CELF2: variants seen among roughly 807,000 people sequenced by gnomAD.
CELF2 encodes the protein CUGBP Elav-like family member 2.
CELF2 carries 8 observed loss-of-function variants against 62.6 expected under a neutral mutation model. The ratio of observed to expected loss-of-function variants is 0.13; its 90% CI spans 0.07 to 0.23. CELF2 has a LOEUF of 0.23. CELF2 is among the 10% of genes least tolerant of loss of function. The pLI, the probability that CELF2 is intolerant of heterozygous loss-of-function variation, is 1.00. For missense variants in CELF2, 333 were observed against 671.0 expected (o/e 0.50, Z 5.56); for synonymous variants, 258 against 250.0 (o/e 1.03, Z -0.30).
At chr10:10,840,042 T>G (rs770055224) in intron 1 of CELF2, among the ~76,000 whole-genome samples, 1 of 152,254 alleles carries the variant, frequency 6.6e-6, no homozygotes, top group Non-Finnish European at 1.5e-5. Context: ...GATAGTTCAT[T>G]CCTTTCTATC....
chr10:11,041,406 A>C (rs999508156), intron 1 of CELF2, among the ~76,000 whole-genome samples: 1 of 152,252 alleles, frequency 6.6e-6, no homozygotes, highest in Middle Eastern at 3.4e-3. Flanking sequence ...ATCGAAACCC[A>C]CTGGCTATGA....
chr10:10,811,574 A>G (rs1388651981), intron 1 of CELF2, among the ~76,000 whole-genome samples: 1 of 152,140 alleles, frequency 6.6e-6, no homozygotes, highest in East Asian at 1.9e-4. Context: ...CAGGGGGTAC[A>G]TGCACATCTC....
intron 9 of CELF2, among the ~76,000 whole-genome samples, chr10:11,308,307 G>C (rs2094374053): frequency 6.6e-6 from 1 of 152,146 alleles, no homozygotes; most frequent in Admixed American, 6.5e-5. Context: ...TCTTTCATCA[G>C]ATTTGGGAAA....
intron 1 of CELF2, among the ~76,000 whole-genome samples, chr10:10,869,434 C>T (rs767412466): frequency 5.9e-5 from 9 of 152,004 alleles, no homozygotes; most frequent in Admixed American, 1.3e-4. Flanking sequence ...TGGTGGTGTA[C>T]GCCCGTAATC....
chr10:10,513,239 C>A, the CELF2 span, among the ~76,000 whole-genome samples: 1 of 152,066 alleles, frequency 6.6e-6, no homozygotes, highest in South Asian at 2.1e-4. Context: ...CTGTGACATA[C>A]TGAAGAAGTC....
rs562433552 is a variant in CELF2, at chr10:11,336,489, G to A, written c.*7436G>A. 7.2e-5 allele frequency: 11 copies of A among 152,662 alleles called. No individual in the cohort carries two copies. The highest frequency in any genetic ancestry group is 1.9e-4 in the African/African-American group (8 of 41,532). The allele number at this position is 152,662 out of a possible 1,614,324, so 9.5% of individuals were successfully genotyped here. A position where few individuals can be genotyped will look rare whatever the true frequency, so the allele number is the denominator to read the frequency against. ...ATATATATTGAACTATATAGTACTC[G>A]ATTTCTTAAATAAAGCTTAAGAAAG... is the stretch of plus-strand genomic sequence containing the variant. On this transcript the variant is annotated 3_prime_UTR_variant, in exon 13 of 13. Coordinates refer to ENST00000633077, the MANE Select transcript of CELF2 (RefSeq NM_001326342.2). This position sits in a 1 kb window ranked among gnomAD's most constrained non-coding sequence, Gnocchi z 5.4.
the CELF2 span, among the ~76,000 whole-genome samples, chr10:10,634,195 A>G: frequency 6.6e-6 from 1 of 152,260 alleles, no homozygotes; most frequent in South Asian, 2.1e-4. Flanking sequence ...TGAACATAGT[A>G]CATTTTTTAT....
At chr10:10,913,987 G>T (rs903299606) in intron 1 of CELF2, among the ~76,000 whole-genome samples, 1 of 151,028 alleles carries the variant, frequency 6.6e-6, no homozygotes. Flanking sequence ...AAAGGGAAGG[G>T]GAAGAGAGGG....
chr10:10,585,714 T>C, the CELF2 span, among the ~76,000 whole-genome samples: 1 of 152,202 alleles, frequency 6.6e-6, no homozygotes, highest in Non-Finnish European at 1.5e-5. Flanking sequence ...TCTTCACTGT[T>C]TGATTAGGGG....
chr10:11,262,375 AAAC>A (rs1172082908), intron 5 of CELF2, among the ~76,000 whole-genome samples: 14 of 152,314 alleles, frequency 9.2e-5, no homozygotes, highest in South Asian at 2.1e-4. Context: ...TGCTGTCTCA[AAAC>A]AACAACAACA....
At chr10:10,578,980 T>C in the CELF2 span, among the ~76,000 whole-genome samples, 2 of 152,200 alleles carry the variant, frequency 1.3e-5, no homozygotes, top group Admixed American at 6.5e-5. Flanking sequence ...ATCTAAGACA[T>C]AGGAACTCTA....
the CELF2 span, among the ~76,000 whole-genome samples, chr10:10,664,891 A>G: frequency 0.014 from 2,144 of 152,340 alleles, 100 homozygotes; most frequent in Admixed American, 0.077. Flanking sequence ...AGGTATTCAC[A>G]TTTACTGTTC....
At chr10:11,032,888 C>T (rs1366946784) in intron 1 of CELF2, among the ~76,000 whole-genome samples, 1 of 152,020 alleles carries the variant, frequency 6.6e-6, no homozygotes, top group Non-Finnish European at 1.5e-5. Flanking sequence ...AGATGTTCCC[C>T]AATATGTATG....
chr10:10,633,160 C>T, the CELF2 span, among the ~76,000 whole-genome samples: 1 of 152,166 alleles, frequency 6.6e-6, no homozygotes, highest in African/African-American at 2.4e-5. Flanking sequence ...TTAGACCTAA[C>T]TCATTTCACC....
the CELF2 span, among the ~76,000 whole-genome samples, chr10:10,502,182 C>T: frequency 3.3e-5 from 5 of 151,518 alleles, no homozygotes; most frequent in Non-Finnish European, 5.9e-5. Flanking sequence ...TAAGGATTTT[C>T]GTGTCTGTTT....
At chr10:10,865,831 T>C (rs1364107307) in intron 1 of CELF2, among the ~76,000 whole-genome samples, 1 of 152,158 alleles carries the variant, frequency 6.6e-6, no homozygotes, top group Non-Finnish European at 1.5e-5. Context: ...AAAGATTTTT[T>C]TTTTTTGAAG....
the CELF2 span, among the ~76,000 whole-genome samples, chr10:10,613,399 A>T: frequency 2.6e-5 from 4 of 152,228 alleles, no homozygotes; most frequent in Admixed American, 6.5e-5. Flanking sequence ...CCGGAAGGCA[A>T]TTGGGAGAAA....
At chr10:10,881,181 C>A (rs2061416621) in intron 1 of CELF2, among the ~76,000 whole-genome samples, 1 of 152,148 alleles carries the variant, frequency 6.6e-6, no homozygotes, top group Admixed American at 6.5e-5. Context: ...GACTTGCCTG[C>A]TATGCGTAAG....
intron 1 of CELF2, among the ~76,000 whole-genome samples, chr10:11,026,759 G>T (rs1231918507): frequency 6.6e-6 from 1 of 152,142 alleles, no homozygotes; most frequent in African/African-American, 2.4e-5. Flanking sequence ...CAACAGAAGG[G>T]GCCACAGCCG....
Sources: gnomAD v4.1 joint callset for allele counts (sites outside exome capture counted in the v4.1 genomes callset) on GRCh38, gnomAD v4.1.1 for gene constraint, Gnocchi (gnomAD v3.1) non-coding constraint, MANE v1.5 for transcripts, NCBI Gene and HGNC (gene_info 2026-07-23, HGNC 2026-07-21) for gene names.